HELZ: variants seen among roughly 807,000 people sequenced by gnomAD.
The protein encoded by HELZ is ATP-dependent RNA helicase with zinc finger domain.
In HELZ, 23 loss-of-function variants were observed where a neutral mutation model predicts 218.2. That is an observed-to-expected ratio of 0.11 (90% CI 0.08 to 0.15). The LOEUF (loss-of-function observed/expected upper bound fraction) is 0.15. HELZ is among the 10% of genes least tolerant of loss of function. The pLI is 1.00. For missense variants in HELZ, 1,813 were observed against 2,353.7 expected, an observed-to-expected ratio of 0.77 and a Z score of 4.75; for synonymous variants, 814 against 829.4, an observed-to-expected ratio of 0.98 and a Z score of 0.32.
chr17:67,102,790 T>C (rs2036970190), intron 31 of HELZ, among the ~76,000 whole-genome samples: 1 of 152,214 alleles, frequency 6.6e-6, no homozygotes, highest in Admixed American at 6.5e-5. Flanking sequence ...AAATCACTCA[T>C]TTGTGAATCT....
chr17:67,086,623 T>TAAATATATATATATATAA (rs1461381124), intron 32 of HELZ, among the ~76,000 whole-genome samples: 2 of 46,574 alleles, frequency 4.3e-5, no homozygotes, highest in Non-Finnish European at 7.2e-5. Flanking sequence ...TAAATAAATA[T>TAAATATATATATATATAA]AAATATAAAT....
chr17:67,192,491 T>C (rs1445990936), intron 9 of HELZ, among the ~76,000 whole-genome samples: 1 of 152,222 alleles, frequency 6.6e-6, no homozygotes, highest in Non-Finnish European at 1.5e-5. Context: ...ATTTTATGTT[T>C]CTTTTCAATA....
At chr17:67,107,028 A>G (rs1366421897) in intron 31 of HELZ, 141 bp downstream of exon 31, 1 of 831,620 alleles carries the variant, frequency 1.2e-6, no homozygotes, top group Admixed American at 2.9e-5. Flanking sequence ...GAGGGTGGCA[A>G]TTAAAATAAT....
At chr17:67,171,260 T>C (rs1432706011) in intron 13 of HELZ, among the ~76,000 whole-genome samples, 1 of 152,226 alleles carries the variant, frequency 6.6e-6, no homozygotes, top group African/African-American at 2.4e-5. Context: ...AGCTCAGGGC[T>C]GTAAATCCAA....
chr17:67,184,806 ACT>A (rs1295316509), intron 12 of HELZ, among the ~76,000 whole-genome samples: 1 of 149,368 alleles, frequency 6.7e-6, no homozygotes, highest in African/African-American at 2.5e-5. Flanking sequence ...ACAGAGCAAG[ACT>A]CTGTCTCTAA....
chr17:67,080,157 G>A (rs2036144357), intron 32 of HELZ, among the ~76,000 whole-genome samples: 1 of 152,210 alleles, frequency 6.6e-6, no homozygotes, highest in African/African-American at 2.4e-5. Context: ...TGTGGCATAA[G>A]GTAAAGATAT....
chr17:67,178,769 C>T lies in HELZ; in HGVS notation c.1320G>A (p.Gln440=). The T allele has an allele frequency of 1.2e-6, 2 of 1,613,896 alleles. No individual in the cohort carries two copies. Among genetic ancestry groups the T allele is most frequent in the South Asian group, 1.1e-5 (1 of 91,066 alleles). Residue 440 remains glutamine (Q), a synonymous_variant, in exon 13 of 33, where the codon CAG becomes CAA. Transcript: ENST00000358691. ...TGTCTAAAACGGACTGAGTAAATAG[C>T]TGGTCAGCAGAGAGGGGAATTTGGT... ...IRYQIPLSAD[Q]LFTQSVLDKS... is the part of the protein sequence containing the mutation.
chr17:67,141,461 A>G (rs2038321676), intron 21 of HELZ, among the ~76,000 whole-genome samples: 1 of 151,616 alleles, frequency 6.6e-6, no homozygotes, highest in South Asian at 2.1e-4. Flanking sequence ...ATAAAAATAT[A>G]TTGAGTTTGT....
intron 31 of HELZ, among the ~76,000 whole-genome samples, chr17:67,089,668 T>TATATATAGAGAGAGAGAGAGAGAGAG (rs71293575): frequency 8.5e-5 from 6 of 70,636 alleles, no homozygotes; most frequent in Non-Finnish European, 1.6e-4. Context: ...TATATATATA[T>TATATATAGAGAGAGAGAGAGAGAGAG]AGAGAGAGAG....
intron 25 of HELZ, 89 bp from the exon 26 acceptor site, chr17:67,123,249 T>G: frequency 1.4e-6 from 1 of 720,736 alleles, no homozygotes; most frequent in East Asian, 2.9e-5. Flanking sequence ...GCAAAATATA[T>G]TTCCCAGGTT....
chr17:67,101,805 AAGAC>A (rs1184412451), intron 31 of HELZ, among the ~76,000 whole-genome samples: 1 of 152,238 alleles, frequency 6.6e-6, no homozygotes, highest in African/African-American at 2.4e-5. Flanking sequence ...TAATTCCAAA[AAGAC>A]AGGAAGACAA....
chr17:67,177,263 G>C (rs1383230490), intron 13 of HELZ, among the ~76,000 whole-genome samples: 1 of 151,998 alleles, frequency 6.6e-6, no homozygotes, highest in African/African-American at 2.4e-5. Flanking sequence ...TTAGTTACTT[G>C]ATCAGTATTT....
At chr17:67,132,069 T>C (rs1010605041) in intron 23 of HELZ, among the ~76,000 whole-genome samples, 1 of 152,206 alleles carries the variant, frequency 6.6e-6, no homozygotes, top group Non-Finnish European at 1.5e-5. Flanking sequence ...AAGTGTGTAT[T>C]ACACTGTAAT....
rs201382980 is a variant in HELZ at position 67,167,558 on chromosome 17, C to T, written c.1669G>A (p.Ala557Thr). Residue 557 changes from alanine (A) to threonine (T), a missense_variant, in exon 14 of 33, where the codon GCT becomes ACT. By Grantham distance (58) the Ala-to-Thr change is moderately conservative. Around this residue, in one of 4 missense-constraint regions of HELZ, gnomAD observed 714 missense variants for 1,029.2 expected, o/e 0.69. Coordinates refer to ENST00000358691, the MANE Select transcript of HELZ (RefSeq NM_014877.4). ...TCCTTTGTTTTTTCTTCAATAGTAGCTTCATAAACCTTCTCTTTGGTTCCC... is the reference window on the plus strand; with the variant it reads ...TCCTTTGTTTTTTCTTCAATAGTAGTTTCATAAACCTTCTCTTTGGTTCCC... ...TQGTKEKVYE[A>T]TIEEKTKEYI... The T allele has an allele frequency of 6.6e-4, 1,065 of 1,613,240 alleles. 1 individual carries two copies. The highest frequency in any genetic ancestry group is 8.7e-4 in the Non-Finnish European group (1,027 of 1,179,206).
intron 23 of HELZ, among the ~76,000 whole-genome samples, chr17:67,132,333 A>G (rs2038013777): frequency 6.6e-6 from 1 of 152,190 alleles, no homozygotes; most frequent in Non-Finnish European, 1.5e-5. Context: ...GAAGAAATTC[A>G]GTTCAAGGGA....
Position 67,114,348 on chromosome 17 carries a change from C to T in HELZ, c.3894G>A (p.Glu1298=), listed in dbSNP as rs756697507. 6.8e-6 allele frequency: 11 copies of T among 1,611,264 alleles called. No homozygotes were observed. In the Admixed American group the frequency reaches 1.8e-4, roughly 27 times the overall value. Residue 1298 remains glutamate (E), a synonymous_variant, in exon 28 of 33, where the codon GAG becomes GAA. Transcript: ENST00000358691. ...CCTGTTTTGGTTCTGTTGGCTTTTT[C>T]TCTGGTGTTCGAATCTTATTAATTT... is the stretch of plus-strand genomic sequence containing the variant. ...GPEINKIRTP[E]KKPTEPKQVD... is the part of the protein sequence containing the mutation.
At chr17:67,114,893 A>C (rs2037383986) in intron 27 of HELZ, among the ~76,000 whole-genome samples, 1 of 152,324 alleles carries the variant, frequency 6.6e-6, no homozygotes, top group East Asian at 1.9e-4. Flanking sequence ...TAGATATCAA[A>C]CCGTGTATAA....
intron 21 of HELZ, among the ~76,000 whole-genome samples, chr17:67,138,490 C>T (rs2038220679): frequency 6.6e-6 from 1 of 152,178 alleles, no homozygotes; most frequent in African/African-American, 2.4e-5. Context: ...AGTCCACTCT[C>T]TCCAGATCAG....
At chr17:67,146,211 T>TA (rs1228284980) in intron 20 of HELZ, among the ~76,000 whole-genome samples, 1 of 152,206 alleles carries the variant, frequency 6.6e-6, no homozygotes, top group Non-Finnish European at 1.5e-5. Flanking sequence ...TTTTTTTATT[T>TA]AAATGAGTCA....
Sources: allele counts gnomAD v4.1 joint callset (sites outside exome capture counted in the v4.1 genomes callset), GRCh38; gene constraint gnomAD v4.1.1; regional missense constraint gnomAD v4.1.1; transcripts MANE v1.5; gene names NCBI Gene and HGNC (gene_info 2026-07-23, HGNC 2026-07-21).